CMAS: variants seen among roughly 807,000 people sequenced by gnomAD.
The protein encoded by CMAS is cytidine monophosphate N-acetylneuraminic acid synthetase.
Under a neutral mutation model 53.4 loss-of-function variants are expected in CMAS, and 21 were observed. That is an observed-to-expected ratio of 0.39 (90% CI 0.28 to 0.57). The LOEUF is 0.57. Among genes scored for constraint, CMAS ranks in the 20% least tolerant of loss-of-function variants. CMAS has a pLI of 0.56. For synonymous variants in CMAS, 189 were observed against 195.2 expected (o/e 0.97, Z 0.27); for missense variants, 384 against 534.9 (o/e 0.72, Z 2.78).
At chr12:22,056,156 C>T (rs1431734000) in intron 3 of CMAS, among the ~76,000 whole-genome samples, 1 of 152,112 alleles carries the variant, frequency 6.6e-6, no homozygotes, top group African/African-American at 2.4e-5. Flanking sequence ...TTAGTTGTTT[C>T]GTAGGGATTC....
intron 1 of CMAS, among the ~76,000 whole-genome samples, chr12:22,051,915 T>C (rs553500897): frequency 6.6e-6 from 1 of 152,298 alleles, no homozygotes; most frequent in South Asian, 2.1e-4. Context: ...TATTTAATCC[T>C]CTAAACCATA....
At chr12:22,062,503 A>ATGAC in intron 7 of CMAS, 69 bp downstream of exon 7, 1 of 1,485,890 alleles carries the variant, frequency 6.7e-7, no homozygotes, top group East Asian at 2.3e-5. Flanking sequence ...TTTTAAAGAA[A>ATGAC]TGACAAAGCA....
chr12:22,054,942 G>C (rs1950258450), intron 1 of CMAS, among the ~76,000 whole-genome samples: 1 of 151,542 alleles, frequency 6.6e-6, no homozygotes, highest in South Asian at 2.1e-4. Context: ...GCATATCTAG[G>C]ACTGCATTTT....
intron 2 of CMAS, 68 bp from the exon 3 acceptor site, chr12:22,055,387 C>T (rs1304509346): frequency 2.0e-6 from 3 of 1,485,908 alleles, no homozygotes; most frequent in Non-Finnish European, 2.7e-6. Flanking sequence ...AATTCCAAAC[C>T]TTAATATTAC....
rs1173141520 is a variant in CMAS, at chr12:22,062,306, G to C, written c.986G>C (p.Cys329Ser). 6.3e-7 allele frequency: 1 copy of C among 1,595,518 alleles called. No homozygotes were observed. Among genetic ancestry groups the C allele is most frequent in the Non-Finnish European group, 8.5e-7 (1 of 1,171,140 alleles). The change falls in exon 7 of 8, where the codon TGT becomes TCT. Residue 329 changes from cysteine (C) to serine (S), a missense_variant. Cys to Ser is a moderately radical substitution (Grantham distance 112, BLOSUM62 -1). Transcript: ENST00000229329. ...IEVRLISERA[C>S]SKQTLSSLKL... is the part of the protein sequence containing the mutation. ...GTGAGGCTAATCTCAGAAAGGGCCTGTTCAAAGCAGACGCTGTCTTCTTTA... is the reference window on the plus strand; with the variant it reads ...GTGAGGCTAATCTCAGAAAGGGCCTCTTCAAAGCAGACGCTGTCTTCTTTA...
rs865980234 is a variant in CMAS, at chr12:22,054,237, G to A, written c.261-912G>A. 2.5e-4 allele frequency among the ~76,000 whole-genome samples: 38 copies of A among 152,046 alleles called. 1 individual carries two copies. The highest frequency in any genetic ancestry group is 8.2e-4 in the African/African-American group (34 of 41,414). On this transcript the variant is annotated intron_variant, in intron 1 of 7. Coordinates refer to ENST00000229329, the MANE Select transcript of CMAS (RefSeq NM_018686.6). ...ACTCCAGGCCTGACCAAACATTGTGGCTAGAGTAGTATTTACATCTTCTGC... is the reference window on the plus strand; with the variant it reads ...ACTCCAGGCCTGACCAAACATTGTGACTAGAGTAGTATTTACATCTTCTGC...
intron 4 of CMAS, among the ~76,000 whole-genome samples, chr12:22,059,062 A>T (rs546820169): frequency 6.6e-6 from 1 of 151,390 alleles, no homozygotes; most frequent in East Asian, 1.9e-4. Flanking sequence ...ATTGCTTTAA[A>T]AAGACAAATA....
intron 1 of CMAS, among the ~76,000 whole-genome samples, chr12:22,052,734 A>G (rs1950244542): frequency 6.6e-6 from 1 of 152,164 alleles, no homozygotes; most frequent in Non-Finnish European, 1.5e-5. Flanking sequence ...TCAGATTTCA[A>G]GATGGAGGAA....
intron 3 of CMAS, among the ~76,000 whole-genome samples, chr12:22,057,969 A>G (rs896610289): frequency 5.3e-5 from 8 of 151,348 alleles, no homozygotes; most frequent in African/African-American, 1.9e-4. Flanking sequence ...CTGGGATTAC[A>G]GGTACCCACC....
At chr12:22,059,761 A>G (rs1950295790) in intron 4 of CMAS, among the ~76,000 whole-genome samples, 2 of 152,182 alleles carry the variant, frequency 1.3e-5, no homozygotes, top group African/African-American at 4.8e-5. Context: ...CTTTTTTCTA[A>G]GGAGGACCAT....
intron 1 of CMAS, among the ~76,000 whole-genome samples, chr12:22,053,375 GTATATGTATACA>G (rs1181638818): frequency 6.7e-6 from 1 of 150,100 alleles, no homozygotes; most frequent in Non-Finnish European, 1.5e-5. Context: ...ATGTGTGTGT[GTATATGTATACA>G]TATACACACA....
chr12:22,059,703 T>G (rs957877628), intron 4 of CMAS, among the ~76,000 whole-genome samples: 2 of 152,186 alleles, frequency 1.3e-5, no homozygotes, highest in Non-Finnish European at 2.9e-5. Context: ...TAAATTTAAG[T>G]GTTCAGAAAA....
intron 1 of CMAS, among the ~76,000 whole-genome samples, chr12:22,054,609 A>C (rs572221358): frequency 2.8e-5 from 4 of 142,730 alleles, no homozygotes; most frequent in Admixed American, 2.2e-4. Flanking sequence ...GGTTTGGCTA[A>C]GCCAAGTCCA....
rs1320623908 is a variant in CMAS, at chr12:22,062,553, CTT to C, written c.1114+122_1114+123del. The C allele has an allele frequency of 2.5e-5, 26 of 1,024,796 alleles. No homozygotes were observed. In the Admixed American group the frequency reaches 5.8e-4, roughly 23 times the overall value. The allele number at this position is 1,024,796 out of a possible 1,614,324, so 63.5% of individuals were successfully genotyped here. A position where few individuals can be genotyped will look rare whatever the true frequency, so the allele number is the denominator to read the frequency against. ...GTATGATTGTAGGGAAATAGGAACT[CTT>C]TTAACAAACACTGCTGATCAAACTG... On this transcript the variant is annotated intron_variant, in intron 7 of 7. Coordinates refer to ENST00000229329, the MANE Select transcript of CMAS (RefSeq NM_018686.6).
chr12:22,050,922 T>TA (rs1950236940), intron 1 of CMAS, among the ~76,000 whole-genome samples: 1 of 152,044 alleles, frequency 6.6e-6, no homozygotes, highest in Non-Finnish European at 1.5e-5. Context: ...TCAATTGACT[T>TA]ACTATGAAGC....
At chr12:22,062,743 A>G (rs977017667) in intron 7 of CMAS, among the ~76,000 whole-genome samples, 1 of 152,174 alleles carries the variant, frequency 6.6e-6, no homozygotes, top group African/African-American at 2.4e-5. Context: ...GAGAGTACCT[A>G]TTACCGTAGG....
chr12:22,052,892 A>G (rs567796837), intron 1 of CMAS, among the ~76,000 whole-genome samples: 4 of 152,256 alleles, frequency 2.6e-5, no homozygotes, highest in African/African-American at 7.2e-5. Flanking sequence ...AAATCCCTCT[A>G]TAAATATTAA....
At chr12:22,059,150 T>TATA (rs371663502) in intron 4 of CMAS, among the ~76,000 whole-genome samples, 78 of 112,524 alleles carry the variant, frequency 6.9e-4, no homozygotes, top group South Asian at 3.0e-3. Flanking sequence ...ATATATATAT[T>TATA]TTTTTTTTTT....
rs1372146891 is a variant in CMAS, at chr12:22,064,982, A to ATCTT, written c.1115-137_1115-134dup. On this transcript the variant is annotated intron_variant, in intron 7 of 7. Coordinates refer to ENST00000229329, the MANE Select transcript of CMAS (RefSeq NM_018686.6). ...CTGTAAAATATTTTTGTTCCATCTA[A>ATCTT]TCTTTAGTATTCTTATATGCAGTGC... The ATCTT allele has an allele frequency of 4.8e-5, 26 of 545,638 alleles. No homozygotes were observed. In the Admixed American group the frequency reaches 5.3e-4, roughly 11 times the overall value. The allele number at this position is 545,638 out of a possible 1,614,324, so 33.8% of individuals were successfully genotyped here. A position where few individuals can be genotyped will look rare whatever the true frequency, so the allele number is the denominator to read the frequency against.
Sources: gnomAD v4.1 joint callset for allele counts (sites outside exome capture counted in the v4.1 genomes callset) on GRCh38, gnomAD v4.1.1 for gene constraint, MANE v1.5 for transcripts, NCBI Gene and HGNC (gene_info 2026-07-23, HGNC 2026-07-21) for gene names.